The following SEL1L2 variants were observed in gnomAD, a reference collection of about 807,000 sequenced individuals.
The protein encoded by SEL1L2 is protein sel-1 homolog 2.
In SEL1L2, 89 loss-of-function variants were observed where a neutral mutation model predicts 98.8. That is an observed-to-expected ratio of 0.90 (90% confidence interval 0.76 to 1.07). SEL1L2 has a LOEUF of 1.07. Ranked by LOEUF, SEL1L2 falls within the 50% of genes least tolerant of loss-of-function variation. SEL1L2 has a pLI of 0.00. For missense variants in SEL1L2, 788 were observed against 812.0 expected (o/e 0.97, Z 0.36); for synonymous variants, 262 against 278.5 (o/e 0.94, Z 0.59).
At chr20:13,972,872 T>A (rs1394345466) in intron 1 of SEL1L2, among the ~76,000 whole-genome samples, 1 of 152,194 alleles carries the variant, frequency 6.6e-6, no homozygotes, top group African/African-American at 2.4e-5. Flanking sequence ...TATGAGCGGG[T>A]CTTTTCCCAG....
In SEL1L2 at chr20:13,887,906, T is replaced by C. The variant is rs762205381; in HGVS notation, c.663+36A>G. 8 of 1,609,722 alleles carry C rather than the reference T, an allele frequency of 5.0e-6. No individual in the cohort carries two copies. In the Admixed American group the frequency reaches 1.3e-4, roughly 27 times the overall value. ...TCAAGACAATGCTGTATTTATGGCATACAAATTTGGTTCCAAGAATATTTT... is the reference window on the plus strand; with the variant it reads ...TCAAGACAATGCTGTATTTATGGCACACAAATTTGGTTCCAAGAATATTTT... On this transcript the variant is annotated intron_variant, in intron 7 of 19. Coordinates refer to ENST00000284951, the MANE Select transcript of SEL1L2 (RefSeq NM_025229.2).
chr20:13,937,826 CTT>C (rs2057702853), intron 2 of SEL1L2, among the ~76,000 whole-genome samples: 1 of 152,220 alleles, frequency 6.6e-6, no homozygotes, highest in Non-Finnish European at 1.5e-5. Flanking sequence ...GGGGAAACCT[CTT>C]GTTTCCTTAA....
At chr20:13,877,103 G>C (rs920381058) in intron 11 of SEL1L2, among the ~76,000 whole-genome samples, 1 of 152,260 alleles carries the variant, frequency 6.6e-6, no homozygotes, top group Non-Finnish European at 1.5e-5. Flanking sequence ...GGGATTACAG[G>C]CGTGAGCCAC....
At chr20:13,951,904 G>T (rs1416963001) in intron 2 of SEL1L2, among the ~76,000 whole-genome samples, 1 of 151,902 alleles carries the variant, frequency 6.6e-6, no homozygotes, top group Admixed American at 6.6e-5. Flanking sequence ...GAACAAAAGG[G>T]ATGGGTAATG....
intron 12 of SEL1L2, among the ~76,000 whole-genome samples, chr20:13,873,170 T>G (rs2046281929): frequency 6.6e-6 from 1 of 151,658 alleles, no homozygotes; most frequent in Non-Finnish European, 1.5e-5. Flanking sequence ...TTGTACTTTC[T>G]GTAGACACGG....
intron 1 of SEL1L2, among the ~76,000 whole-genome samples, chr20:13,971,271 T>C (rs1260303302): frequency 9.2e-5 from 14 of 152,360 alleles, no homozygotes; most frequent in African/African-American, 3.4e-4. Context: ...TCTTAAATCC[T>C]GAAGCAGTGA....
intron 1 of SEL1L2, among the ~76,000 whole-genome samples, chr20:13,988,515 C>T (rs1431214861): frequency 6.6e-6 from 1 of 152,168 alleles, no homozygotes; most frequent in East Asian, 1.9e-4. Context: ...GTAAAACTCT[C>T]AATTCCATTC....
chr20:13,958,922 C>CA (rs34641853), intron 1 of SEL1L2, among the ~76,000 whole-genome samples: 65,992 of 116,360 alleles, frequency 0.57, 17,442 homozygotes, highest in East Asian at 0.71. Flanking sequence ...GACTCTGTCT[C>CA]AAAAAAAAAA....
At chr20:13,910,862 T>TTA in intron 5 of SEL1L2, among the ~76,000 whole-genome samples, 1 of 152,212 alleles carries the variant, frequency 6.6e-6, no homozygotes, top group East Asian at 1.9e-4. Context: ...TGTAACTACA[T>TTA]TAGCTAAAGT....
intron 4 of SEL1L2, 22 bp downstream of exon 4, chr20:13,918,999 A>G: frequency 6.6e-7 from 1 of 1,515,614 alleles, no homozygotes; most frequent in East Asian, 2.3e-5. Context: ...AACTTGGCTA[A>G]GGTCACTGGA....
chr20:13,883,804 G>T (rs1424350778), intron 10 of SEL1L2, among the ~76,000 whole-genome samples: 2 of 152,226 alleles, frequency 1.3e-5, no homozygotes, highest in African/African-American at 4.8e-5. Context: ...TACAGCTGAA[G>T]CTAGGATGCC....
rs908287374 is a variant in SEL1L2, at chr20:13,859,591, T to C, written c.1646-157A>G. ...CCAAAAACACTCAGAACCCCAGAAC[T>C]GGAATTAGATATACTTTATGGAATA... is the stretch of plus-strand genomic sequence containing the variant. On this transcript the variant is annotated intron_variant, in intron 17 of 19. Transcript: ENST00000284951. Among the ~76,000 whole-genome samples the C allele has an allele frequency of 2.0e-5, 3 of 152,330 alleles. No individual in the cohort carries two copies. The East Asian group carries it at 5.8e-4, about 29-fold the overall frequency.
At chr20:13,870,837 T>C (rs243913) in intron 12 of SEL1L2, among the ~76,000 whole-genome samples, 133,975 of 151,106 alleles carry the variant, frequency 0.89, 59,392 homozygotes, top group Middle Eastern at 0.93. Flanking sequence ...GCAGGAGAAT[T>C]GCTTGAACCC....
intron 5 of SEL1L2, 141 bp downstream of exon 5, chr20:13,913,641 T>G: frequency 3.0e-6 from 2 of 667,978 alleles, no homozygotes; most frequent in South Asian, 3.5e-5. Context: ...CTGACACCAC[T>G]GTTTCAGTGC....
intron 1 of SEL1L2, among the ~76,000 whole-genome samples, 171 bp from the exon 2 acceptor site, chr20:13,956,302 T>G (rs1441947497): frequency 6.6e-6 from 1 of 152,132 alleles, no homozygotes; most frequent in Admixed American, 6.5e-5. Flanking sequence ...AAATAATTCC[T>G]TCACTGATAA....
chr20:13,928,204 C>G (rs2048980145), intron 3 of SEL1L2: 1 of 152,212 alleles, frequency 6.6e-6, no homozygotes, highest in Non-Finnish European at 1.5e-5. Flanking sequence ...AGTTCTTCTC[C>G]TGTTCTTTTC....
At position 13,976,546 on chromosome 20, in the gene SEL1L2, G is replaced by A. The variant is rs114982344; in HGVS notation, c.58+13931C>T. On this transcript the variant is annotated intron_variant, in intron 1 of 19. Transcript: ENST00000284951. The stretch of plus-strand genomic sequence containing the variant: ...GTTTGAATTGGTTGAAATAAAATAC[G>A]TGTGTAGCTAAGACAAAATAGAAAG... 1.5e-3 allele frequency among the ~76,000 whole-genome samples: 223 copies of A among 152,256 alleles called. 1 individual carries two copies. Among genetic ancestry groups the A allele is most frequent in the African/African-American group, 5.1e-3 (210 of 41,536 alleles).
chr20:13,873,941 C>G (rs904580369), intron 12 of SEL1L2, among the ~76,000 whole-genome samples: 1 of 152,108 alleles, frequency 6.6e-6, no homozygotes, highest in South Asian at 2.1e-4. Context: ...AGTTAAATCC[C>G]AGCAGCAGGA....
chr20:13,970,554 C>T (rs950023088), intron 1 of SEL1L2, among the ~76,000 whole-genome samples: 24 of 152,138 alleles, frequency 1.6e-4, no homozygotes, highest in African/African-American at 2.7e-4. Context: ...CTGCCATGGC[C>T]GGATGCAGTG....
Sources: gnomAD v4.1 joint callset for allele counts (sites outside exome capture counted in the v4.1 genomes callset) on GRCh38, gnomAD v4.1.1 for gene constraint, MANE v1.5 for transcripts, NCBI Gene and HGNC (gene_info 2026-07-23, HGNC 2026-07-21) for gene names.